The following FBLN5 variants were observed in gnomAD, a reference collection of about 807,000 sequenced individuals.
FBLN5 encodes fibulin-5.
FBLN5 carries 24 observed loss-of-function variants against 61.6 expected under a neutral mutation model. The observed-to-expected ratio is 0.39, with a 90% CI of 0.28 to 0.55. FBLN5 has a LOEUF of 0.55. FBLN5 is among the 20% of genes least tolerant of loss of function. FBLN5 has a pLI of 0.65. For missense variants in FBLN5, 470 were observed against 594.1 expected (o/e 0.79, Z 2.17); for synonymous variants, 213 against 219.8 (o/e 0.97, Z 0.27).
intron 10 of FBLN5, chr14:91,873,561 C>T (rs1014706479): frequency 1.3e-5 from 2 of 152,592 alleles, no homozygotes; most frequent in African/African-American, 2.4e-5. Flanking sequence ...AGGTTGTTTT[C>T]CCCCTCTCCG....
chr14:91,933,267 TTTTTA>T (rs2055957396), intron 4 of FBLN5, among the ~76,000 whole-genome samples: 2 of 152,136 alleles, frequency 1.3e-5, no homozygotes, highest in African/African-American at 2.4e-5. Context: ...TTTGGAAGTT[TTTTTA>T]TTTTAATTTT....
intron 10 of FBLN5, among the ~76,000 whole-genome samples, chr14:91,870,873 T>C (rs1888891457): frequency 6.6e-6 from 1 of 152,120 alleles, no homozygotes; most frequent in African/African-American, 2.4e-5. Flanking sequence ...GAACGAATCA[T>C]TGATTGAAAC....
intron 9 of FBLN5, among the ~76,000 whole-genome samples, chr14:91,879,515 C>G (rs1416930609): frequency 6.6e-6 from 1 of 152,164 alleles, no homozygotes; most frequent in Non-Finnish European, 1.5e-5. Flanking sequence ...GAGACTCCAC[C>G]AGTAACTCCA....
intron 4 of FBLN5, among the ~76,000 whole-genome samples, chr14:91,918,840 C>T (rs189873957): frequency 1.1e-4 from 17 of 152,214 alleles, no homozygotes; most frequent in Non-Finnish European, 2.1e-4. Flanking sequence ...TAACAGGACA[C>T]GAAGCTTTAA....
At position 91,947,153 on chromosome 14, in the gene FBLN5, C is replaced by A. The variant is rs191919837; in HGVS notation, c.17+60G>T. On this transcript the variant is annotated intron_variant, in intron 1 of 10. Coordinates refer to ENST00000342058, the MANE Select transcript of FBLN5 (RefSeq NM_006329.4). The surrounding 1 kb of genome is among the most constrained non-coding windows in gnomAD (Gnocchi z 4.3). ...GCAGCCATAACCATTTTCCACCCAT[C>A]GGATTTTTAGCAAGGCTTCCAGACC... is the stretch of plus-strand genomic sequence containing the variant. 1 of 1,612,004 alleles carries A rather than the reference C, an allele frequency of 6.2e-7. No homozygotes were observed. Among genetic ancestry groups the A allele is most frequent in the Non-Finnish European group, 8.5e-7 (1 of 1,178,270 alleles).
chr14:91,946,382 A>G (rs918870279), intron 1 of FBLN5, among the ~76,000 whole-genome samples: 1 of 152,146 alleles, frequency 6.6e-6, no homozygotes, highest in Non-Finnish European at 1.5e-5. Flanking sequence ...AACTTTCTAA[A>G]GCAGGTGGGT....
intron 4 of FBLN5, among the ~76,000 whole-genome samples, chr14:91,930,321 C>T: frequency 6.6e-6 from 1 of 152,096 alleles, no homozygotes; most frequent in Admixed American, 6.5e-5. Flanking sequence ...AGCCACTTGC[C>T]CATCATCCCA....
chr14:91,884,012 G>T (rs927029393), intron 7 of FBLN5, among the ~76,000 whole-genome samples: 1 of 152,214 alleles, frequency 6.6e-6, no homozygotes, highest in Non-Finnish European at 1.5e-5. Flanking sequence ...TGCATTTGTT[G>T]TTTCCCAAAA....
At chr14:91,912,999 CT>C (rs1186168598) in intron 4 of FBLN5, among the ~76,000 whole-genome samples, 1 of 152,160 alleles carries the variant, frequency 6.6e-6, no homozygotes, top group African/African-American at 2.4e-5. Flanking sequence ...TGTGTATTAA[CT>C]CAATATGTAC....
intron 4 of FBLN5, among the ~76,000 whole-genome samples, chr14:91,906,195 T>A (rs1890680072): frequency 6.6e-6 from 1 of 152,190 alleles, no homozygotes; most frequent in Non-Finnish European, 1.5e-5. Context: ...GAATATGAAC[T>A]TTTTGGTTAC....
At position 91,887,331 on chromosome 14, in the gene FBLN5, C is replaced by T; in HGVS notation, c.620-19G>A. The T allele has an allele frequency of 6.2e-7, 1 of 1,611,526 alleles. No homozygotes were observed. The highest frequency in any genetic ancestry group is 2.2e-5 in the East Asian group (1 of 44,848). ...TTCACATCTGTGGAAAGCCAAGGCACATTGCTGACTGTCCTCCCAACAGAA... is the reference window on the plus strand; with the variant it reads ...TTCACATCTGTGGAAAGCCAAGGCATATTGCTGACTGTCCTCCCAACAGAA... On this transcript the variant is annotated intron_variant, in intron 6 of 10. Transcript: ENST00000342058.
chr14:91,935,758 G>A (rs966544984), intron 4 of FBLN5, among the ~76,000 whole-genome samples: 3 of 152,164 alleles, frequency 2.0e-5, no homozygotes, highest in Non-Finnish European at 2.9e-5. Flanking sequence ...CTGGTTATAA[G>A]GAAGCATGTT....
intron 4 of FBLN5, among the ~76,000 whole-genome samples, chr14:91,930,272 C>T (rs1305296161): frequency 2.6e-5 from 4 of 152,060 alleles, no homozygotes; most frequent in African/African-American, 9.7e-5. Flanking sequence ...TACTGTTATC[C>T]CTGTTTACGG....
At chr14:91,915,714 A>G (rs1271583867) in intron 4 of FBLN5, among the ~76,000 whole-genome samples, 2 of 150,892 alleles carry the variant, frequency 1.3e-5, no homozygotes, top group Admixed American at 1.3e-4. Context: ...AAAAAAAAGA[A>G]ATCATATCAG....
chr14:91,895,742 G>T (rs1890195276), intron 4 of FBLN5, among the ~76,000 whole-genome samples: 1 of 141,670 alleles, frequency 7.1e-6, no homozygotes, highest in Non-Finnish European at 1.5e-5. Flanking sequence ...AGGCTGCAGT[G>T]AGCCGAGATC....
At chr14:91,911,772 GGCCCTCTGGAGGAT>G (rs1445583010) in intron 4 of FBLN5, among the ~76,000 whole-genome samples, 2 of 150,636 alleles carry the variant, frequency 1.3e-5, no homozygotes, top group Non-Finnish European at 3.0e-5. Context: ...GGGCTAAGGA[GGCCCTCTGGAGGAT>G]GCAAAAGGAA....
chr14:91,877,737 G>T, intron 9 of FBLN5, 55 bp from the exon 10 acceptor site: 3 of 1,405,024 alleles, frequency 2.1e-6, no homozygotes, highest in Non-Finnish European at 3.0e-6. Flanking sequence ...GGTGCTGGCT[G>T]TGCCTACTTC....
At chr14:91,877,895 CCAGAT>C (rs1889245794) in intron 9 of FBLN5, 22 of 657,718 alleles carry the variant, frequency 3.3e-5, no homozygotes, top group East Asian at 2.4e-4. Context: ...TTCTCACCAA[CCAGAT>C]GTTCTGGCTA....
In FBLN5 at chr14:91,894,422, A is replaced by AAC. The variant is rs1255921171; in HGVS notation, c.502+527_502+528insGT. On this transcript the variant is annotated intron_variant, in intron 5 of 10. Transcript: ENST00000342058. ...CATATCAAAAAAAAAAAAAAAAAAA[A>AAC]AAAAACCGAAAAAAACCATTCAAGG... 4.9e-4 allele frequency among the ~76,000 whole-genome samples: 72 copies of AAC among 146,492 alleles called. 1 individual carries two copies. Among genetic ancestry groups the AAC allele is most frequent in the Middle Eastern group, 3.6e-3 (1 of 280 alleles).
Sources: gnomAD v4.1 joint callset for allele counts (sites outside exome capture counted in the v4.1 genomes callset) on GRCh38, gnomAD v4.1.1 for gene constraint, Gnocchi (gnomAD v3.1) non-coding constraint, MANE v1.5 for transcripts, NCBI Gene and HGNC (gene_info 2026-07-23, HGNC 2026-07-21) for gene names.